The following AKIRIN2 variants were observed in gnomAD, a reference collection of about 807,000 sequenced individuals.
AKIRIN2 encodes akirin 2, also known as akirin-2.
Under a neutral mutation model 29.3 loss-of-function variants are expected in AKIRIN2, and 6 were observed. The ratio of observed to expected loss-of-function variants is 0.20; its 90% confidence interval spans 0.11 to 0.40. The LOEUF (loss-of-function observed/expected upper bound fraction) is 0.40. Among genes scored for constraint, AKIRIN2 ranks in the 10% least tolerant of loss-of-function variants. The pLI is 1.00. For synonymous variants in AKIRIN2, 128 were observed against 117.5 expected, an observed-to-expected ratio of 1.09 and a Z score of -0.58; for missense variants, 210 against 276.1, an observed-to-expected ratio of 0.76 and a Z score of 1.70.
At chr6:87,676,627 A>ACACACACACACACACACACACAC (rs1348173605) in intron 3 of AKIRIN2, among the ~76,000 whole-genome samples, 1 of 139,972 alleles carries the variant, frequency 7.1e-6, no homozygotes, top group Non-Finnish European at 1.6e-5. Context: ...ACACACACAC[A>ACACACACACACACACACACACAC]AACATAGCTG....
intron 1 of AKIRIN2, among the ~76,000 whole-genome samples, chr6:87,697,531 T>A (rs1395983965): frequency 1.3e-5 from 2 of 152,222 alleles, no homozygotes; most frequent in Non-Finnish European, 2.9e-5. Context: ...ACTTAACAGC[T>A]GTCTAAATAA....
chr6:87,675,938 A>G lies in AKIRIN2; in HGVS notation c.530-7T>C, dbSNP rs765025392. The G allele has an allele frequency of 6.2e-6, 10 of 1,607,096 alleles. No homozygotes were observed. The highest frequency in any genetic ancestry group is 8.5e-6 in the Non-Finnish European group (10 of 1,177,588). Reference sequence around the variant, plus strand: ...ACAAACGCATCATATTGTTCTATAAATAAAGGTACTTGTCAATTACATTTG... The same window carrying G: ...ACAAACGCATCATATTGTTCTATAAGTAAAGGTACTTGTCAATTACATTTG... On this transcript the variant is annotated splice_region_variant and splice_polypyrimidine_tract_variant and intron_variant, in intron 3 of 4. Transcript: ENST00000257787.
chr6:87,690,204 C>G (rs1374685382), intron 1 of AKIRIN2, among the ~76,000 whole-genome samples: 1 of 135,838 alleles, frequency 7.4e-6, no homozygotes, highest in African/African-American at 2.9e-5. Flanking sequence ...GAAACTCCAT[C>G]TCAAAAAAAA....
chr6:87,695,639 G>A (rs568994639), intron 1 of AKIRIN2, among the ~76,000 whole-genome samples: 4 of 152,188 alleles, frequency 2.6e-5, no homozygotes, highest in African/African-American at 4.8e-5. Context: ...AACTAATTCA[G>A]TGATAGGTAC....
Position 87,675,902 on chromosome 6 carries a change from G to C in AKIRIN2, c.559C>G (p.His187Asp). 1 of 1,613,670 alleles carries C rather than the reference G, an allele frequency of 6.2e-7. No individual in the cohort carries two copies. The highest frequency in any genetic ancestry group is 8.5e-7 in the Non-Finnish European group (1 of 1,179,900). The change falls in exon 4 of 5, where the codon CAT (histidine) becomes GAT (aspartate). Residue 187 changes from histidine (H) to aspartate (D), a missense_variant. Transcript: ENST00000257787. ...CCATATCGTCGCATTATTTGATCATGCGTAAACTTCACAAACGCATCATAT... is the reference window on the plus strand; with the variant it reads ...CCATATCGTCGCATTATTTGATCATCCGTAAACTTCACAAACGCATCATAT... ...EQYDAFVKFT[H>D]DQIMRRYGEQ...
At chr6:87,698,718 C>A (rs571650353) in intron 1 of AKIRIN2, among the ~76,000 whole-genome samples, 1 of 152,284 alleles carries the variant, frequency 6.6e-6, no homozygotes, top group Admixed American at 6.5e-5. Flanking sequence ...AGAAAGCAAG[C>A]TTAACTTCCG....
chr6:87,683,316 G>T (rs1771144601), intron 1 of AKIRIN2, among the ~76,000 whole-genome samples: 1 of 152,194 alleles, frequency 6.6e-6, no homozygotes, highest in Non-Finnish European at 1.5e-5. Flanking sequence ...TTATGTCGGG[G>T]TGCTTTAGCT....
intron 1 of AKIRIN2, among the ~76,000 whole-genome samples, chr6:87,684,817 G>A (rs749609410): frequency 1.1e-4 from 17 of 152,046 alleles, no homozygotes; most frequent in Non-Finnish European, 2.1e-4. Context: ...GGACTATTAC[G>A]AATATTCAAG....
chr6:87,701,457 G>A lies in AKIRIN2; in HGVS notation c.228C>T (p.Leu76=). 6.6e-7 allele frequency: 1 copy of A among 1,524,568 alleles called. No individual in the cohort carries two copies. The highest frequency in any genetic ancestry group is 1.2e-5 in the South Asian group (1 of 82,948). 94.4% of individuals were successfully genotyped at this position (1,524,568 alleles called of 1,614,324 possible). The change falls in exon 1 of 5, where the codon CTC becomes CTT. Residue 76 remains leucine, a synonymous_variant. Coordinates refer to ENST00000257787, the MANE Select transcript of AKIRIN2 (RefSeq NM_018064.4). ...CGCGGGGCCGGGTCCCACCTGTGGT[G>A]AGGCGGGAGGAGACGTCGCCGAAGG... ...PSPFGDVSSR[L]TTEQILYNIK... is the part of the protein sequence containing the mutation.
At chr6:87,694,369 A>G (rs1771326560) in intron 1 of AKIRIN2, among the ~76,000 whole-genome samples, 1 of 152,212 alleles carries the variant, frequency 6.6e-6, no homozygotes, top group Non-Finnish European at 1.5e-5. Flanking sequence ...TTAATAAGAA[A>G]TGAAAATAGG....
At chr6:87,684,103 C>T (rs888653384) in intron 1 of AKIRIN2, among the ~76,000 whole-genome samples, 3 of 152,112 alleles carry the variant, frequency 2.0e-5, no homozygotes, top group African/African-American at 7.2e-5. Flanking sequence ...AGTAACTTGA[C>T]CTTAATATTT....
In AKIRIN2 at chr6:87,681,535, G is replaced by A; in HGVS notation, c.379+85C>T. The A allele has an allele frequency of 2.2e-6, 3 of 1,337,654 alleles. No homozygotes were observed. The South Asian group carries it at 4.4e-5, about 20-fold the overall frequency. 82.9% of individuals were successfully genotyped at this position (1,337,654 alleles called of 1,614,324 possible). Reference sequence around the variant, plus strand: ...TTTTTTAAAACTCAGAGGAGATACAGTAGCTTAAATGACTAAAGACAACTT... The same window carrying A: ...TTTTTTAAAACTCAGAGGAGATACAATAGCTTAAATGACTAAAGACAACTT... On this transcript the variant is annotated intron_variant, in intron 2 of 4. Transcript: ENST00000257787.
Position 87,675,864 on chromosome 6 carries a change from A to G in AKIRIN2, c.597T>C (p.Ala199=). The part of the protein sequence containing the change: ...QIMRRYGEQP[A]SYVS ...CTTCAAAGGTGAAATACTTACAGCT[A>G]GCAGGCTGTTCTCCATATCGTCGCA... Residue 199 remains alanine (A), a synonymous_variant, in exon 4 of 5, where the codon GCT becomes GCC. Transcript: ENST00000257787. The G allele has an allele frequency of 6.2e-7, 1 of 1,613,104 alleles. No individual in the cohort carries two copies. The highest frequency in any genetic ancestry group is 8.5e-7 in the Non-Finnish European group (1 of 1,179,326).
chr6:87,701,676 G>A lies in AKIRIN2; in HGVS notation c.9C>T (p.Cys3=), dbSNP rs1771468996. Residue 3 remains cysteine, a synonymous_variant, in exon 1 of 5, where the codon TGC becomes TGT. Transcript: ENST00000257787. MA[C]GATLKRTLDF... ...CCAGAGTCCTTTTCAGAGTGGCTCC[G>A]CACGCCATGGCCGGGGGCAGCTGAG... is the stretch of plus-strand genomic sequence containing the variant. 6.9e-7 allele frequency: 1 copy of A among 1,451,794 alleles called. No individual in the cohort carries two copies. Among genetic ancestry groups the A allele is most frequent in the Non-Finnish European group, 9.0e-7 (1 of 1,105,456 alleles). 89.9% of individuals were successfully genotyped at this position (1,451,794 alleles called of 1,614,324 possible).
intron 1 of AKIRIN2, among the ~76,000 whole-genome samples, chr6:87,682,037 T>A (rs539156590): frequency 6.6e-6 from 1 of 152,204 alleles, no homozygotes; most frequent in South Asian, 2.1e-4. Flanking sequence ...GGTCAAGGAG[T>A]CTGTGAACCA....
chr6:87,675,487 A>C lies in AKIRIN2; in HGVS notation c.*110T>G, dbSNP rs1770953385. 2 of 1,484,924 alleles carry C rather than the reference A, an allele frequency of 1.3e-6. No individual in the cohort carries two copies. The highest frequency in any genetic ancestry group is 2.8e-5 in the African/African-American group (2 of 71,812). The allele number at this position is 1,484,924 out of a possible 1,614,324, so 92.0% of individuals were successfully genotyped here. The stretch of plus-strand genomic sequence containing the variant: ...GTGGTTGCCACTGACGAAAGCTTGA[A>C]ATAACCTGTATTCACAGAAGGGGTA... On this transcript the variant is annotated 3_prime_UTR_variant, in exon 5 of 5. Transcript: ENST00000257787.
chr6:87,690,268 T>C (rs923976879), intron 1 of AKIRIN2, among the ~76,000 whole-genome samples: 1 of 149,348 alleles, frequency 6.7e-6, no homozygotes, highest in African/African-American at 2.5e-5. Context: ...TTTTAAAAAG[T>C]GGTTTACTAT....
At chr6:87,681,964 C>G (rs1771128817) in intron 1 of AKIRIN2, among the ~76,000 whole-genome samples, 1 of 152,188 alleles carries the variant, frequency 6.6e-6, no homozygotes, top group Non-Finnish European at 1.5e-5. Context: ...TGGAATTCAG[C>G]TGTTCAACAA....
chr6:87,701,887 G>A lies in AKIRIN2; in HGVS notation c.-203C>T. The A allele has an allele frequency of 2.4e-6, 1 of 424,226 alleles. No homozygotes were observed. The highest frequency in any genetic ancestry group is 6.9e-5 in the South Asian group (1 of 14,594). The allele number at this position is 424,226 out of a possible 1,614,324, so 26.3% of individuals were successfully genotyped here. A position where few individuals can be genotyped will look rare whatever the true frequency, so the allele number is the denominator to read the frequency against. Reference sequence around the variant, plus strand: ...CGCGGCAGGGGCAGTGGCCAGGGACGGCCCGGGTGAGAGCGGGAGGGGCGG... The same window carrying A: ...CGCGGCAGGGGCAGTGGCCAGGGACAGCCCGGGTGAGAGCGGGAGGGGCGG... On this transcript the variant is annotated 5_prime_UTR_variant, in exon 1 of 5. Coordinates refer to ENST00000257787, the MANE Select transcript of AKIRIN2 (RefSeq NM_018064.4).
Sources: gnomAD v4.1 joint callset for allele counts (sites outside exome capture counted in the v4.1 genomes callset) on GRCh38, gnomAD v4.1.1 for gene constraint, MANE v1.5 for transcripts, NCBI Gene and HGNC (gene_info 2026-07-23, HGNC 2026-07-21) for gene names.